The following PLCG2 variants were observed in gnomAD, a reference collection of about 807,000 sequenced individuals.
PLCG2 encodes phospholipase C gamma 2, also known as 1-phosphatidylinositol 4,5-bisphosphate phosphodiesterase gamma-2.
In PLCG2, 69 loss-of-function variants were observed where a neutral mutation model predicts 175.6. The observed-to-expected ratio is 0.39, with a 90% CI of 0.32 to 0.48. The LOEUF is 0.48. PLCG2 is among the 20% of genes least tolerant of loss of function. The probability of loss-of-function intolerance (pLI) is 0.91; values close to 1 mark genes in which losing one functional copy is unlikely to be tolerated. For synonymous variants in PLCG2, 827 were observed against 624.0 expected (o/e 1.33, Z -4.85); for missense variants, 1,798 against 1,650.9 (o/e 1.09, Z -1.54).
intron 2 of PLCG2, among the ~76,000 whole-genome samples, chr16:81,806,313 T>TC (rs1912020321): frequency 6.6e-6 from 1 of 152,056 alleles, no homozygotes; most frequent in African/African-American, 2.4e-5. Flanking sequence ...GGTACTATGA[T>TC]CATCATAGTG....
intron 5 of PLCG2, among the ~76,000 whole-genome samples, chr16:81,864,812 G>A (rs1319418624): frequency 6.6e-6 from 1 of 152,192 alleles, no homozygotes; most frequent in Non-Finnish European, 1.5e-5. Flanking sequence ...GGGAGTTGAA[G>A]AACCCTGGGG....
chr16:81,792,233 G>A (rs1911264773), intron 2 of PLCG2, among the ~76,000 whole-genome samples: 1 of 151,918 alleles, frequency 6.6e-6, no homozygotes, highest in Non-Finnish European at 1.5e-5. Context: ...TGTAATCCCA[G>A]GACTTTGGGA....
chr16:81,878,274 G>A (rs763756512), intron 7 of PLCG2, among the ~76,000 whole-genome samples: 8 of 151,794 alleles, frequency 5.3e-5, no homozygotes, highest in African/African-American at 9.7e-5. Context: ...GTGAGCCACC[G>A]TGCCCGGCCC....
chr16:81,928,702 G>T, intron 24 of PLCG2, 78 bp downstream of exon 24: 3 of 946,808 alleles, frequency 3.2e-6, no homozygotes, highest in Middle Eastern at 4.2e-4. Context: ...CCTACACAGG[G>T]AGGTGGCTGA....
At chr16:81,893,615 G>A (rs558474868) in intron 11 of PLCG2, 94 bp from the exon 12 acceptor site, 83 of 757,424 alleles carry the variant, frequency 1.1e-4, no homozygotes, top group African/African-American at 8.9e-4. Flanking sequence ...CGGCTCGGGC[G>A]GAGAAGTTCC....
chr16:81,957,735 C>G (rs1911632867), intron 32 of PLCG2, among the ~76,000 whole-genome samples: 1 of 152,124 alleles, frequency 6.6e-6, no homozygotes, highest in African/African-American at 2.4e-5. Context: ...TTCATGTCAG[C>G]CTGCAGAGTA....
intron 2 of PLCG2, among the ~76,000 whole-genome samples, chr16:81,813,907 C>T (rs1048936150): frequency 5.3e-5 from 8 of 152,210 alleles, no homozygotes; most frequent in Non-Finnish European, 1.2e-4. Flanking sequence ...CAAGGCCAGC[C>T]CTGACACAGG....
chr16:81,835,580 A>G (rs1173957186), intron 2 of PLCG2, among the ~76,000 whole-genome samples: 1 of 125,754 alleles, frequency 8.0e-6, no homozygotes, highest in Non-Finnish European at 1.8e-5. Context: ...CTCGGTCTCA[A>G]ATATAATAAT....
At chr16:81,883,869 G>C (rs919743140) in intron 9 of PLCG2, among the ~76,000 whole-genome samples, 6 of 152,214 alleles carry the variant, frequency 3.9e-5, no homozygotes, top group Non-Finnish European at 7.3e-5. Flanking sequence ...TAGACTCAAG[G>C]GGGGGTTGTG....
intron 2 of PLCG2, among the ~76,000 whole-genome samples, chr16:81,819,209 A>G (rs1323858776): frequency 6.6e-6 from 1 of 152,042 alleles, no homozygotes; most frequent in Non-Finnish European, 1.5e-5. Flanking sequence ...CTGCTTCTAG[A>G]GATGGATGTG....
Position 81,946,260 on chromosome 16 carries a change from C to G in PLCG2, c.3567C>G (p.Val1189=), listed in dbSNP as rs761964487. 1.1e-5 allele frequency: 17 copies of G among 1,611,644 alleles called. No homozygotes were observed. In the East Asian group the frequency reaches 2.2e-4, roughly 21 times the overall value. ...TGGTTTTCTGTGAGATGCGGCCAGT[C>G]CTGGTGAGTGGAGAAACACCAGTTA... is the stretch of plus-strand genomic sequence containing the variant. ...SLLVFCEMRP[V]LESEEELYSS... is the part of the protein sequence containing the mutation. Residue 1189 remains valine (V), a synonymous_variant, in exon 31 of 33, where the codon GTC becomes GTG. Coordinates refer to ENST00000564138, the MANE Select transcript of PLCG2 (RefSeq NM_002661.5).
intron 2 of PLCG2, among the ~76,000 whole-genome samples, chr16:81,792,818 T>G (rs1460497324): frequency 2.0e-5 from 3 of 152,140 alleles, no homozygotes; most frequent in Middle Eastern, 3.2e-3. Flanking sequence ...ATGAGGATTA[T>G]GGGAACGACA....
In PLCG2 at chr16:81,959,184, G is replaced by C. The variant is rs963993580; in HGVS notation, c.*1186G>C. On this transcript the variant is annotated 3_prime_UTR_variant, in exon 33 of 33. Transcript: ENST00000564138. ...GTGAATTTACAGCTGATGGGAAAAG[G>C]AGTGTAACTGTGAAAAACGATGGCT... 8.9e-6 allele frequency: 2 copies of C among 225,960 alleles called. No individual in the cohort carries two copies. Among genetic ancestry groups the C allele is most frequent in the African/African-American group, 4.5e-5 (2 of 44,922 alleles). 14.0% of individuals were successfully genotyped at this position (225,960 alleles called of 1,614,324 possible).
rs1288686405 is a variant in PLCG2 at position 81,951,114 on chromosome 16, A to G, written c.3570+4851A>G. Among the ~76,000 whole-genome samples, 4 of 152,134 alleles carry G rather than the reference A, an allele frequency of 2.6e-5. No individual in the cohort carries two copies. The East Asian group carries it at 7.7e-4, about 29-fold the overall frequency. ...GTGATCTTCCTGAGTAGCTGGGACT[A>G]CAGGCATATGCCACCATGCCTGGCT... On this transcript the variant is annotated intron_variant, in intron 31 of 32. Coordinates refer to ENST00000564138, the MANE Select transcript of PLCG2 (RefSeq NM_002661.5).
intron 2 of PLCG2, among the ~76,000 whole-genome samples, chr16:81,827,409 G>A (rs978335599): frequency 2.6e-4 from 39 of 151,708 alleles, no homozygotes; most frequent in Non-Finnish European, 4.1e-4. Flanking sequence ...GGCTGATCTC[G>A]AACTCCTAGG....
rs531509564 is a variant in PLCG2, at chr16:81,903,232, G to A, written c.1363-2171G>A. Among the ~76,000 whole-genome samples, 9 of 152,318 alleles carry A rather than the reference G, an allele frequency of 5.9e-5. No individual in the cohort carries two copies. The South Asian group carries it at 8.3e-4, about 14-fold the overall frequency. Reference sequence around the variant, plus strand: ...CACAAGGGTGTGGTGGTGTCAACACGTGGCATGTACCCTATATTATCACTG... The same window carrying A: ...CACAAGGGTGTGGTGGTGTCAACACATGGCATGTACCCTATATTATCACTG... On this transcript the variant is annotated intron_variant, in intron 14 of 32. Transcript: ENST00000564138.
intron 2 of PLCG2, among the ~76,000 whole-genome samples, chr16:81,808,734 C>T (rs1415527789): frequency 6.6e-6 from 1 of 152,132 alleles, no homozygotes; most frequent in Non-Finnish European, 1.5e-5. Flanking sequence ...ACCTTGTGAT[C>T]CACCTGCCTC....
chr16:81,928,241 G>A (rs1253679420), intron 23 of PLCG2, among the ~76,000 whole-genome samples: 1 of 152,082 alleles, frequency 6.6e-6, no homozygotes, highest in Non-Finnish European at 1.5e-5. Context: ...TTCTAATAAG[G>A]TCAGATAAAT....
chr16:81,896,940 A>G lies in PLCG2; in HGVS notation c.1193+1013A>G, dbSNP rs141507346. ...AGGTGTAATCCTTTTCTGTCCCACCAGAAGATCTTGGTCTGGGCTGGAGGT... is the reference window on the plus strand; with the variant it reads ...AGGTGTAATCCTTTTCTGTCCCACCGGAAGATCTTGGTCTGGGCTGGAGGT... On this transcript the variant is annotated intron_variant, in intron 13 of 32. Transcript: ENST00000564138. Among the ~76,000 whole-genome samples the G allele has an allele frequency of 3.0e-3, 455 of 152,346 alleles. 1 individual carries two copies. Among genetic ancestry groups the G allele is most frequent in the African/African-American group, 0.011 (445 of 41,578 alleles).
Sources: gnomAD v4.1 joint callset for allele counts (sites outside exome capture counted in the v4.1 genomes callset) on GRCh38, gnomAD v4.1.1 for gene constraint, MANE v1.5 for transcripts, NCBI Gene and HGNC (gene_info 2026-07-23, HGNC 2026-07-21) for gene names.